The following ARMC8 variants were observed in gnomAD, a reference collection of about 807,000 sequenced individuals.
ARMC8 encodes the protein armadillo repeat-containing protein 8.
In ARMC8, 20 loss-of-function variants were observed where a neutral mutation model predicts 99.3. The ratio of observed to expected loss-of-function variants is 0.20; its 90% CI spans 0.14 to 0.29. The LOEUF is 0.29. Ranked by LOEUF, ARMC8 falls within the 10% of genes least tolerant of loss-of-function variation. ARMC8 has a pLI of 1.00. For missense variants in ARMC8, 569 were observed against 809.5 expected, an observed-to-expected ratio of 0.70 and a Z score of 3.60; for synonymous variants, 263 against 278.3, an observed-to-expected ratio of 0.95 and a Z score of 0.55.
intron 1 of ARMC8, among the ~76,000 whole-genome samples, chr3:138,191,345 A>T (rs189048229): frequency 6.6e-6 from 1 of 152,298 alleles, no homozygotes; most frequent in Admixed American, 6.5e-5. Flanking sequence ...TATACTTTTG[A>T]ATTATGTTGA....
chr3:138,290,655 A>C lies in ARMC8; in HGVS notation c.1988+16A>C. 6.4e-7 allele frequency: 1 copy of C among 1,556,912 alleles called. No individual in the cohort carries two copies. The highest frequency in any genetic ancestry group is 1.8e-5 in the Admixed American group (1 of 55,164). ...TTTGTGACAAGTGAGTATGAATGTG[A>C]AAAGGCCTTGCTTTGGGCTGTGTTG... On this transcript the variant is annotated intron_variant, in intron 21 of 21. Coordinates refer to ENST00000469044, the MANE Select transcript of ARMC8 (RefSeq NM_001363941.2).
At chr3:138,294,381 G>C (rs2051270973) in intron 21 of ARMC8, among the ~76,000 whole-genome samples, 1 of 152,146 alleles carries the variant, frequency 6.6e-6, no homozygotes, top group East Asian at 1.9e-4. Flanking sequence ...TAAGTATTTG[G>C]GGAGTCAGGT....
At chr3:138,197,791 C>G (rs1463208165) in intron 1 of ARMC8, among the ~76,000 whole-genome samples, 1 of 152,148 alleles carries the variant, frequency 6.6e-6, no homozygotes, top group African/African-American at 2.4e-5. Context: ...TATTGACCCT[C>G]CGTTTAAGCA....
chr3:138,255,369 A>AT (rs1289466574), intron 12 of ARMC8, among the ~76,000 whole-genome samples: 5 of 151,598 alleles, frequency 3.3e-5, no homozygotes, highest in Non-Finnish European at 7.4e-5. Flanking sequence ...CACCCGGCTA[A>AT]TTTTTTGTAT....
At chr3:138,264,465 G>T (rs2048068957) in intron 14 of ARMC8, among the ~76,000 whole-genome samples, 1 of 122,966 alleles carries the variant, frequency 8.1e-6, no homozygotes, top group South Asian at 2.8e-4. Flanking sequence ...TGTCACCCAG[G>T]CTGGAGTGCA....
chr3:138,213,074 G>A (rs1440859790), intron 2 of ARMC8, among the ~76,000 whole-genome samples: 4 of 152,186 alleles, frequency 2.6e-5, no homozygotes, highest in Non-Finnish European at 5.9e-5. Flanking sequence ...TTCAAATCCT[G>A]CCTGGGCAAC....
intron 20 of ARMC8, 84 bp downstream of exon 20, chr3:138,289,204 C>G (rs1275596007): frequency 1.9e-6 from 2 of 1,055,308 alleles, no homozygotes; most frequent in Non-Finnish European, 2.9e-6. Flanking sequence ...CCCTGAGATC[C>G]TGGGCAGAGG....
chr3:138,188,600 G>T, intron 1 of ARMC8: 1 of 1,601,028 alleles, frequency 6.2e-7, no homozygotes. Flanking sequence ...CCATCTTTTA[G>T]ACTTGTGGAA....
chr3:138,229,164 A>ATATATATG (rs2045879736), intron 6 of ARMC8, 154 bp downstream of exon 6: 2 of 78,714 alleles, frequency 2.5e-5, no homozygotes, highest in African/African-American at 5.7e-5. Context: ...ATATATATAT[A>ATATATATG]TATATATATA....
intron 2 of ARMC8, among the ~76,000 whole-genome samples, chr3:138,221,334 G>A (rs909759565): frequency 6.6e-6 from 1 of 152,138 alleles, no homozygotes; most frequent in Non-Finnish European, 1.5e-5. Context: ...AAATGAATGG[G>A]AAAGTGGAAA....
intron 5 of ARMC8, 81 bp from the exon 6 acceptor site, chr3:138,228,837 C>A: frequency 1.2e-6 from 1 of 856,262 alleles, no homozygotes; most frequent in Non-Finnish European, 1.9e-6. Flanking sequence ...GATTTGACTA[C>A]CTTCTTGTGG....
At chr3:138,224,059 A>G (rs1198279644) in intron 5 of ARMC8, among the ~76,000 whole-genome samples, 1 of 148,576 alleles carries the variant, frequency 6.7e-6, no homozygotes, top group Non-Finnish European at 1.5e-5. Context: ...TGCCAGGTTT[A>G]AGCATTTCTC....
At chr3:138,227,602 A>G (rs1437775947) in intron 5 of ARMC8, among the ~76,000 whole-genome samples, 2 of 152,354 alleles carry the variant, frequency 1.3e-5, no homozygotes, top group East Asian at 3.9e-4. Context: ...CTGTTTTCCT[A>G]CTTGGCTTTT....
intron 10 of ARMC8, among the ~76,000 whole-genome samples, chr3:138,240,155 G>A (rs2046539304): frequency 6.6e-6 from 1 of 152,030 alleles, no homozygotes; most frequent in Non-Finnish European, 1.5e-5. Flanking sequence ...AATAATTCCT[G>A]CTCATCTATG....
Position 138,237,578 on chromosome 3 carries a change from A to C in ARMC8, c.776+6A>C. The C allele has an allele frequency of 6.2e-7, 1 of 1,609,694 alleles. No homozygotes were observed. The highest frequency in any genetic ancestry group is 8.5e-7 in the Non-Finnish European group (1 of 1,177,770). ...CAGCTCACATCAGCAAAATGGTAAAAGTCAGGACAATGTGGGAAGAAAGAC... is the reference window on the plus strand; with the variant it reads ...CAGCTCACATCAGCAAAATGGTAAACGTCAGGACAATGTGGGAAGAAAGAC... On this transcript the variant is annotated splice_donor_region_variant and intron_variant, in intron 9 of 21. Transcript: ENST00000469044.
intron 12 of ARMC8, chr3:138,246,522 A>G (rs1392197680): frequency 1.0e-6 from 1 of 985,622 alleles, no homozygotes; most frequent in African/African-American, 1.7e-5. Context: ...TGGACTGTGT[A>G]ACTTAAATAC....
At chr3:138,255,496 A>G (rs2047355057) in intron 12 of ARMC8, among the ~76,000 whole-genome samples, 1 of 150,894 alleles carries the variant, frequency 6.6e-6, no homozygotes, top group Non-Finnish European at 1.5e-5. Flanking sequence ...GCCACCGCGC[A>G]GGGCCAACAT....
intron 2 of ARMC8, among the ~76,000 whole-genome samples, chr3:138,215,839 A>G (rs1395545123): frequency 6.6e-6 from 1 of 151,624 alleles, no homozygotes; most frequent in African/African-American, 2.4e-5. Context: ...TAAACTTTTC[A>G]TGGTTTATTT....
intron 1 of ARMC8, among the ~76,000 whole-genome samples, chr3:138,200,995 C>G (rs2044031537): frequency 7.0e-6 from 1 of 142,310 alleles, no homozygotes; most frequent in Non-Finnish European, 1.5e-5. Context: ...TCATTGTAGC[C>G]TCTGCTTCCT....
Sources: allele counts gnomAD v4.1 joint callset (sites outside exome capture counted in the v4.1 genomes callset), GRCh38; gene constraint gnomAD v4.1.1; transcripts MANE v1.5; gene names NCBI Gene and HGNC (gene_info 2026-07-23, HGNC 2026-07-21).